Variants in ELOC observed in about 807,000 individuals in gnomAD.
ELOC encodes the protein elongin-C.
For missense variants in ELOC, 38 were observed against 139.0 expected, an observed-to-expected ratio of 0.27 and a Z score of 3.65; for synonymous variants, 40 against 51.3, an observed-to-expected ratio of 0.78 and a Z score of 0.94.
At chr8:73,967,275 T>C (rs1455360939) in intron 1 of ELOC, among the ~76,000 whole-genome samples, 5 of 151,982 alleles carry the variant, frequency 3.3e-5, no homozygotes, top group East Asian at 1.9e-4. Context: ...AGTGTGGGGG[T>C]TGACACACTA....
Position 73,955,520 on chromosome 8 carries a change from C to T in ELOC, c.148+391G>A, listed in dbSNP as rs536108772. 3.6e-4 allele frequency: 59 copies of T among 164,888 alleles called. 1 individual carries two copies. Among genetic ancestry groups the T allele is most frequent in the Non-Finnish European group, 5.9e-4 (45 of 76,216 alleles). 10.2% of individuals were successfully genotyped at this position (164,888 alleles called of 1,614,324 possible). On this transcript the variant is annotated intron_variant, in intron 3 of 3. Transcript: ENST00000520242. ...ACTCAGGAGGCTGAGGCAGGAGAATCGCTTGAACCCGGGAGGTGGAGGTTG... is the reference window on the plus strand; with the variant it reads ...ACTCAGGAGGCTGAGGCAGGAGAATTGCTTGAACCCGGGAGGTGGAGGTTG...
chr8:73,958,454 T>A (rs911163771), intron 2 of ELOC, among the ~76,000 whole-genome samples: 1 of 151,986 alleles, frequency 6.6e-6, no homozygotes, highest in Non-Finnish European at 1.5e-5. Context: ...CACACACACA[T>A]ACACACACAC....
chr8:73,966,176 TAACA>T (rs772732759), intron 1 of ELOC, among the ~76,000 whole-genome samples: 2 of 151,222 alleles, frequency 1.3e-5, no homozygotes, highest in Non-Finnish European at 2.9e-5. Context: ...GAGATGAACA[TAACA>T]AACATTCCAA....
intron 2 of ELOC, 106 bp downstream of exon 2, chr8:73,959,659 T>C (rs1408877587): frequency 1.0e-5 from 10 of 956,156 alleles, no homozygotes; most frequent in Non-Finnish European, 1.5e-5. Flanking sequence ...GGACAACTAA[T>C]TTCAGTCTAC....
rs1813394577 is a variant in ELOC at position 73,946,556 on chromosome 8, A to G, written c.*74T>C. 8.4e-7 allele frequency: 1 copy of G among 1,192,280 alleles called. No individual in the cohort carries two copies. Among genetic ancestry groups the G allele is most frequent in the Non-Finnish European group, 1.2e-6 (1 of 865,094 alleles). 73.9% of individuals were successfully genotyped at this position (1,192,280 alleles called of 1,614,324 possible). ...ACTGCATACAGGCAACATGCTATAT[A>G]TGAAAAAGTTACTAACTGAACTACA... On this transcript the variant is annotated 3_prime_UTR_variant, in exon 4 of 4. Coordinates refer to ENST00000520242, the MANE Select transcript of ELOC (RefSeq NM_005648.4).
chr8:73,952,921 T>C (rs1023869071), intron 3 of ELOC, among the ~76,000 whole-genome samples: 2 of 152,142 alleles, frequency 1.3e-5, no homozygotes, highest in African/African-American at 2.4e-5. Flanking sequence ...AAGACTTGAA[T>C]AGACATTTCT....
chr8:73,970,136 G>A (rs1420369834), intron 1 of ELOC, among the ~76,000 whole-genome samples: 4 of 152,184 alleles, frequency 2.6e-5, no homozygotes, highest in Non-Finnish European at 5.9e-5. Context: ...CAGCTACTAG[G>A]GAGGCTGAGG....
At chr8:73,959,891 C>T in intron 1 of ELOC, 73 bp from the exon 2 acceptor site, 4 of 764,608 alleles carry the variant, frequency 5.2e-6, no homozygotes, top group Non-Finnish European at 7.8e-6. Flanking sequence ...TATTTAATGT[C>T]CTTGGTGTTA....
intron 1 of ELOC, among the ~76,000 whole-genome samples, chr8:73,970,171 G>C (rs925691191): frequency 6.6e-6 from 1 of 152,162 alleles, no homozygotes; most frequent in Non-Finnish European, 1.5e-5. Context: ...GAGCCCAGGA[G>C]GTTGAGGCTA....
At chr8:73,954,646 C>T (rs1200604014) in intron 3 of ELOC, among the ~76,000 whole-genome samples, 10 of 133,978 alleles carry the variant, frequency 7.5e-5, no homozygotes, top group Non-Finnish European at 9.8e-5. Context: ...AGCAAGACTC[C>T]GTCTCAAAAA....
intron 1 of ELOC, among the ~76,000 whole-genome samples, chr8:73,969,234 G>C (rs1045073799): frequency 1.3e-5 from 2 of 151,718 alleles, no homozygotes; most frequent in Admixed American, 1.3e-4. Flanking sequence ...CCCTTCCTTT[G>C]TCTTCCCCAT....
At chr8:73,967,463 C>CT (rs1220860474) in intron 1 of ELOC, among the ~76,000 whole-genome samples, 3 of 136,744 alleles carry the variant, frequency 2.2e-5, no homozygotes, top group Non-Finnish European at 4.8e-5. Context: ...ATATAATTTT[C>CT]TTTTCTTTTT....
intron 3 of ELOC, among the ~76,000 whole-genome samples, chr8:73,947,777 G>A (rs1813477088): frequency 6.6e-6 from 1 of 151,990 alleles, no homozygotes; most frequent in Non-Finnish European, 1.5e-5. Context: ...GTTTTGCCAT[G>A]TTGCCCAGGC....
At chr8:73,952,651 G>A (rs974676030) in intron 3 of ELOC, among the ~76,000 whole-genome samples, 1 of 150,816 alleles carries the variant, frequency 6.6e-6, no homozygotes, top group African/African-American at 2.4e-5. Flanking sequence ...TGTGGTGGCG[G>A]GCGCCTGTGG....
chr8:73,971,382 C>T lies in ELOC; in HGVS notation c.-51+695G>A, dbSNP rs568179664. Among the ~76,000 whole-genome samples the T allele has an allele frequency of 3.9e-5, 6 of 152,324 alleles. No homozygotes were observed. In the East Asian group the frequency reaches 1.2e-3, roughly 29 times the overall value. ...AACCACTGCACTCTAGCCTGGGCAA[C>T]AAGAGCAAGTCTGTCTCCCCCGGCC... On this transcript the variant is annotated intron_variant, in intron 1 of 3. Transcript: ENST00000520242.
chr8:73,961,273 A>G (rs1228124740), intron 1 of ELOC, among the ~76,000 whole-genome samples: 1 of 152,338 alleles, frequency 6.6e-6, no homozygotes, highest in Middle Eastern at 3.4e-3. Context: ...TCATGCTCTA[A>G]GAAATTCCTG....
intron 3 of ELOC, among the ~76,000 whole-genome samples, chr8:73,950,304 A>T (rs985223870): frequency 6.6e-6 from 1 of 152,236 alleles, no homozygotes; most frequent in Non-Finnish European, 1.5e-5. Context: ...ACAGACTGAA[A>T]AACATGAAAT....
chr8:73,955,919 C>T lies in ELOC; in HGVS notation c.140G>A (p.Ser47Asn). ...GACAGAACTGTGCTTACCTGGGCCA[C>T]TCAACATGGCTTTTATCGTGCCTGA... ...LTSGTIKAMLSGPGQFAENET... is the reference protein window; with the variant it reads ...LTSGTIKAMLNGPGQFAENET... Residue 47 changes from serine (S) to asparagine (N), a missense_variant, in exon 3 of 4, where the codon AGT becomes AAT. Transcript: ENST00000520242. 1 of 1,612,006 alleles carries T rather than the reference C, an allele frequency of 6.2e-7. No homozygotes were observed. Among genetic ancestry groups the T allele is most frequent in the Non-Finnish European group, 8.5e-7 (1 of 1,178,340 alleles).
At chr8:73,965,753 G>T (rs547891074) in intron 1 of ELOC, among the ~76,000 whole-genome samples, 3 of 152,198 alleles carry the variant, frequency 2.0e-5, no homozygotes, top group Non-Finnish European at 2.9e-5. Context: ...TAACTCCAAA[G>T]ATATCATCAC....
Sources: gnomAD v4.1 joint callset for allele counts (sites outside exome capture counted in the v4.1 genomes callset) on GRCh38, gnomAD v4.1.1 for gene constraint, MANE v1.5 for transcripts, NCBI Gene and HGNC (gene_info 2026-07-23, HGNC 2026-07-21) for gene names.